The following RABL3 variants were observed in gnomAD, a reference collection of about 807,000 sequenced individuals.
RABL3 encodes the protein RAB, member of RAS oncogene family like 3, also known as rab-like protein 3.
In RABL3, 31 loss-of-function variants were observed where a neutral mutation model predicts 31.8. That is an observed-to-expected ratio of 0.97 (90% CI 0.73 to 1.31). RABL3 has a LOEUF of 1.31. Ranked by LOEUF, RABL3 falls within the 40% of genes most tolerant of loss-of-function variation. The pLI is 0.00. For synonymous variants in RABL3, 97 were observed against 99.9 expected, an observed-to-expected ratio of 0.97 and a Z score of 0.18; for missense variants, 263 against 279.6, an observed-to-expected ratio of 0.94 and a Z score of 0.42.
chr3:120,725,156 C>A (rs1032892813), intron 2 of RABL3, among the ~76,000 whole-genome samples: 2 of 152,064 alleles, frequency 1.3e-5, no homozygotes, highest in African/African-American at 2.4e-5. Context: ...AGACACTTCT[C>A]AAAAGAAGAC....
At chr3:120,699,504 C>G (rs1393510260) in intron 4 of RABL3, among the ~76,000 whole-genome samples, 1 of 152,166 alleles carries the variant, frequency 6.6e-6, no homozygotes, top group Non-Finnish European at 1.5e-5. Flanking sequence ...ATTTGGATTT[C>G]TGACACGTTA....
chr3:120,713,219 A>G (rs1465359213), intron 2 of RABL3, among the ~76,000 whole-genome samples: 1 of 152,174 alleles, frequency 6.6e-6, no homozygotes, highest in Non-Finnish European at 1.5e-5. Context: ...TGACTCACTC[A>G]TCTAAACTCT....
upstream of RABL3, chr3:120,742,527 G>C: frequency 1.2e-6 from 2 of 1,613,816 alleles, no homozygotes; most frequent in Non-Finnish European, 1.7e-6. Flanking sequence ...GCCTTCCCTG[G>C]GTTAACGCCT....
chr3:120,706,993 C>G (rs1455526619), intron 3 of RABL3, among the ~76,000 whole-genome samples: 1 of 152,158 alleles, frequency 6.6e-6, no homozygotes, highest in East Asian at 1.9e-4. Context: ...TTGATGCCCA[C>G]TAGAATTTAG....
intron 2 of RABL3, among the ~76,000 whole-genome samples, chr3:120,715,917 GC>G (rs1276015868): frequency 6.6e-6 from 1 of 152,096 alleles, no homozygotes; most frequent in Non-Finnish European, 1.5e-5. Flanking sequence ...ATGAATAGGG[GC>G]ACTAACAGTA....
At chr3:120,699,644 T>A (rs888712448) in intron 4 of RABL3, among the ~76,000 whole-genome samples, 1 of 152,188 alleles carries the variant, frequency 6.6e-6, no homozygotes, top group Non-Finnish European at 1.5e-5. Flanking sequence ...ACTACTTTTC[T>A]TTCTCTTACA....
chr3:120,710,010 C>T (rs1708595279), intron 2 of RABL3, 101 bp from the exon 3 acceptor site: 1 of 774,756 alleles, frequency 1.3e-6, no homozygotes, highest in Non-Finnish European at 2.0e-6. Context: ...CTCTGACTTT[C>T]TGATCGCTAC....
chr3:120,711,246 A>T (rs1708609588), intron 2 of RABL3, among the ~76,000 whole-genome samples: 3 of 152,096 alleles, frequency 2.0e-5, no homozygotes, highest in Admixed American at 1.3e-4. Context: ...ATTTCATCTA[A>T]AAGGCAATTT....
chr3:120,714,089 C>T (rs1331046723), intron 2 of RABL3, among the ~76,000 whole-genome samples: 1 of 152,158 alleles, frequency 6.6e-6, no homozygotes, highest in African/African-American at 2.4e-5. Context: ...GGATTACAGG[C>T]GTAAGCCACC....
chr3:120,727,953 T>TA (rs1708841709), intron 2 of RABL3, among the ~76,000 whole-genome samples: 1 of 152,094 alleles, frequency 6.6e-6, no homozygotes, highest in Non-Finnish European at 1.5e-5. Context: ...AATATACCCA[T>TA]AAAAAATCCT....
At chr3:120,716,069 T>C (rs1708664651) in intron 2 of RABL3, among the ~76,000 whole-genome samples, 2 of 152,256 alleles carry the variant, frequency 1.3e-5, no homozygotes, top group South Asian at 4.1e-4. Context: ...CCAGTGTCTG[T>C]ACATTGTTAG....
Position 120,689,848 on chromosome 3 carries a change from G to A in RABL3, c.686C>T (p.Thr229Ile). 1.2e-6 allele frequency: 2 copies of A among 1,613,144 alleles called. No homozygotes were observed. Among genetic ancestry groups the A allele is most frequent in the Non-Finnish European group, 1.7e-6 (2 of 1,179,292 alleles). Reference protein sequence around the residue: ...FPDRKRFGAGTLKSLHYD With the variant: ...FPDRKRFGAGILKSLHYD ...TCAGTCATAATGAAGGCTCTTTAAT[G>A]TTCCTGCCCCAAATCTTTTCCGATC... The change falls in exon 8 of 8, where the codon ACA (threonine) becomes ATA (isoleucine). Residue 229 changes from threonine (T) to isoleucine (I), a missense_variant. Thr to Ile is a moderately conservative substitution (Grantham distance 89). Coordinates refer to ENST00000273375, the MANE Select transcript of RABL3 (RefSeq NM_173825.5).
chr3:120,729,282 T>C (rs1708856239), intron 2 of RABL3, among the ~76,000 whole-genome samples: 1 of 152,134 alleles, frequency 6.6e-6, no homozygotes, highest in Admixed American at 6.6e-5. Context: ...TTATCTGAGC[T>C]GAGAAATTGA....
At chr3:120,733,599 C>T (rs1173662479) in intron 1 of RABL3, among the ~76,000 whole-genome samples, 2 of 152,162 alleles carry the variant, frequency 1.3e-5, no homozygotes, top group African/African-American at 4.8e-5. Flanking sequence ...GTTGCCATTG[C>T]TTTTGGTGTT....
In RABL3 at chr3:120,734,939, G is replaced by A. The variant is rs143078790; in HGVS notation, c.47-4152C>T. The stretch of plus-strand genomic sequence containing the variant: ...AGCTTTTTGATGTGCTGCTGGATTC[G>A]GTTTGCCAGTATTTTATTGAGGATT... On this transcript the variant is annotated intron_variant, in intron 1 of 7. Coordinates refer to ENST00000273375, the MANE Select transcript of RABL3 (RefSeq NM_173825.5). 5.2e-3 allele frequency among the ~76,000 whole-genome samples: 789 copies of A among 152,204 alleles called. 7 individuals carry two copies. The highest frequency in any genetic ancestry group is 0.016 in the African/African-American group (666 of 41,500).
At chr3:120,717,303 A>T (rs1242824322) in intron 2 of RABL3, among the ~76,000 whole-genome samples, 4 of 151,946 alleles carry the variant, frequency 2.6e-5, no homozygotes, top group African/African-American at 4.8e-5. Context: ...AACAAGACAG[A>T]AGTCAACTGG....
At chr3:120,708,417 A>G (rs73181935) in intron 3 of RABL3, among the ~76,000 whole-genome samples, 3,242 of 152,084 alleles carry the variant, frequency 0.021, 55 homozygotes, top group Middle Eastern at 0.055. Context: ...CATAGCTTCT[A>G]GGATTTGAGT....
At chr3:120,712,804 C>A (rs1166437051) in intron 2 of RABL3, among the ~76,000 whole-genome samples, 2 of 152,070 alleles carry the variant, frequency 1.3e-5, no homozygotes, top group Non-Finnish European at 2.9e-5. Context: ...ACTCATCCTC[C>A]AGGTTTTTAT....
chr3:120,714,206 G>A (rs1338218968), intron 2 of RABL3, among the ~76,000 whole-genome samples: 2 of 152,152 alleles, frequency 1.3e-5, no homozygotes, highest in Non-Finnish European at 2.9e-5. Flanking sequence ...AATAAGTTTG[G>A]TTTAGTATTT....
Sources: allele counts gnomAD v4.1 joint callset (sites outside exome capture counted in the v4.1 genomes callset), GRCh38; gene constraint gnomAD v4.1.1; transcripts MANE v1.5; gene names NCBI Gene and HGNC (gene_info 2026-07-23, HGNC 2026-07-21).